Variants in KCNT2 observed in about 807,000 individuals in gnomAD.
The protein encoded by KCNT2 is potassium channel subfamily T member 2.
A neutral mutation model predicts 153.8 loss-of-function variants in KCNT2; 67 were observed. The ratio of observed to expected loss-of-function variants is 0.44; its 90% CI spans 0.36 to 0.53. The LOEUF (loss-of-function observed/expected upper bound fraction) is 0.53, where lower values mean the gene tolerates loss of function less well. Among genes scored for constraint, KCNT2 ranks in the 20% least tolerant of loss-of-function variants. The pLI, the probability that KCNT2 is intolerant of heterozygous loss-of-function variation, is 0.00. For missense variants in KCNT2, 975 were observed against 1,354.8 expected (o/e 0.72, Z 4.40); for synonymous variants, 500 against 458.8 (o/e 1.09, Z -1.15).
intron 1 of KCNT2, among the ~76,000 whole-genome samples, chr1:196,551,060 G>A (rs1657830431): frequency 1.3e-5 from 2 of 151,802 alleles, no homozygotes; most frequent in Admixed American, 1.3e-4. Flanking sequence ...AGTCAATGAA[G>A]GAAGGGAATA....
intron 1 of KCNT2, among the ~76,000 whole-genome samples, chr1:196,526,262 A>G (rs1271519293): frequency 1.3e-5 from 2 of 151,558 alleles, no homozygotes; most frequent in Non-Finnish European, 2.9e-5. Context: ...GATATATATA[A>G]ACATACATAC....
chr1:196,435,557 G>A (rs766673413), intron 8 of KCNT2, among the ~76,000 whole-genome samples: 1 of 151,460 alleles, frequency 6.6e-6, no homozygotes, highest in African/African-American at 2.4e-5. Flanking sequence ...ATTCTGAAAT[G>A]TCTATGTCAA....
intron 1 of KCNT2, among the ~76,000 whole-genome samples, chr1:196,587,458 G>A (rs1483332044): frequency 6.6e-6 from 1 of 151,944 alleles, no homozygotes; most frequent in Non-Finnish European, 1.5e-5. Flanking sequence ...AGAAGCATAT[G>A]ACTTTTACCT....
intron 21 of KCNT2, among the ~76,000 whole-genome samples, chr1:196,309,495 C>T (rs900266732): frequency 2.6e-5 from 4 of 151,780 alleles, no homozygotes; most frequent in South Asian, 4.1e-4. Flanking sequence ...ACATAATTTA[C>T]GTGATGTGCC....
intron 1 of KCNT2, among the ~76,000 whole-genome samples, chr1:196,504,419 C>CT (rs1170221899): frequency 6.6e-6 from 1 of 152,022 alleles, no homozygotes; most frequent in South Asian, 2.1e-4. Context: ...TGAACTCTTC[C>CT]TTTTTTATGG....
chr1:196,404,534 C>T (rs1247059305), intron 12 of KCNT2, among the ~76,000 whole-genome samples: 1 of 151,564 alleles, frequency 6.6e-6, no homozygotes, highest in African/African-American at 2.4e-5. Context: ...ACCAGCATTT[C>T]CCACCTAGGA....
intron 18 of KCNT2, among the ~76,000 whole-genome samples, chr1:196,330,051 T>C (rs1399832400): frequency 1.4e-5 from 2 of 145,848 alleles, no homozygotes; most frequent in Non-Finnish European, 3.0e-5. Flanking sequence ...AAGCAATATA[T>C]ATATATTTGG....
chr1:196,581,790 A>G (rs910648746), intron 1 of KCNT2, among the ~76,000 whole-genome samples: 9 of 151,984 alleles, frequency 5.9e-5, no homozygotes, highest in Non-Finnish European at 1.3e-4. Flanking sequence ...TATCAAATTC[A>G]CTTTCTTCCA....
At chr1:196,509,766 ATAAAT>A (rs1450287395) in intron 1 of KCNT2, among the ~76,000 whole-genome samples, 1 of 151,786 alleles carries the variant, frequency 6.6e-6, no homozygotes, top group Non-Finnish European at 1.5e-5. Flanking sequence ...AATGAATGAA[ATAAAT>A]TAAAGTCTAT....
At chr1:196,365,333 A>G (rs1004689667) in intron 14 of KCNT2, among the ~76,000 whole-genome samples, 1 of 146,808 alleles carries the variant, frequency 6.8e-6, no homozygotes, top group African/African-American at 2.4e-5. Context: ...AATGGTCACT[A>G]AAAACATACA....
chr1:196,525,410 T>C (rs1430068646), intron 1 of KCNT2, among the ~76,000 whole-genome samples: 1 of 152,200 alleles, frequency 6.6e-6, no homozygotes, highest in East Asian at 1.9e-4. Context: ...AGCTCTTACA[T>C]GTAACGTTGA....
chr1:196,370,118 G>C (rs1484180452), intron 14 of KCNT2, among the ~76,000 whole-genome samples: 1 of 152,064 alleles, frequency 6.6e-6, no homozygotes, highest in Non-Finnish European at 1.5e-5. Flanking sequence ...TTACACTGTT[G>C]GTGGGACTGT....
At chr1:196,555,058 C>A (rs896013149) in intron 1 of KCNT2, among the ~76,000 whole-genome samples, 13 of 151,034 alleles carry the variant, frequency 8.6e-5, no homozygotes, top group Admixed American at 8.0e-4. Flanking sequence ...AACTGGCAAC[C>A]TTTCCTCTAA....
intron 26 of KCNT2, among the ~76,000 whole-genome samples, chr1:196,244,461 G>A (rs1223729835): frequency 3.3e-5 from 5 of 152,066 alleles, no homozygotes; most frequent in Non-Finnish European, 1.5e-5. Flanking sequence ...GGCCAAAGGG[G>A]TGCCTACTGT....
intron 1 of KCNT2, among the ~76,000 whole-genome samples, chr1:196,561,080 C>G (rs1277863214): frequency 6.6e-6 from 1 of 151,680 alleles, no homozygotes; most frequent in African/African-American, 2.4e-5. Context: ...TGATGAATTA[C>G]ATATTTCAAA....
chr1:196,430,377 G>A (rs1011918218), intron 8 of KCNT2, among the ~76,000 whole-genome samples: 17 of 101,014 alleles, frequency 1.7e-4, no homozygotes, highest in Admixed American at 1.4e-3. Context: ...TCACAAGATC[G>A]ATCTCTCTCT....
chr1:196,503,938 G>C (rs1008265562), intron 1 of KCNT2, among the ~76,000 whole-genome samples: 5 of 152,228 alleles, frequency 3.3e-5, no homozygotes, highest in Admixed American at 6.5e-5. Context: ...AGTATGTAAT[G>C]CACTTGCTTA....
At chr1:196,367,038 C>T (rs910402532) in intron 14 of KCNT2, among the ~76,000 whole-genome samples, 4 of 152,120 alleles carry the variant, frequency 2.6e-5, no homozygotes, top group Non-Finnish European at 5.9e-5. Context: ...ACATTTCCTT[C>T]CTGAATTTGC....
At chr1:196,428,815 A>G (rs912552864) in intron 9 of KCNT2, among the ~76,000 whole-genome samples, 1 of 152,108 alleles carries the variant, frequency 6.6e-6, no homozygotes, top group Non-Finnish European at 1.5e-5. Context: ...TTTGCAATGG[A>G]ATATGCAAGT....
Sources: allele counts gnomAD v4.1 joint callset (sites outside exome capture counted in the v4.1 genomes callset), GRCh38; gene constraint gnomAD v4.1.1; transcripts MANE v1.5; gene names NCBI Gene and HGNC (gene_info 2026-07-23, HGNC 2026-07-21).